Variants in FRMD4A observed in about 807,000 individuals in gnomAD.
FRMD4A encodes FERM domain containing 4A.
FRMD4A carries 29 observed loss-of-function variants against 129.1 expected under a neutral mutation model. The observed-to-expected ratio is 0.22, with a 90% CI of 0.17 to 0.31. The LOEUF (loss-of-function observed/expected upper bound fraction) is 0.31, where lower values mean the gene tolerates loss of function less well. Among genes scored for constraint, FRMD4A ranks in the 10% least tolerant of loss-of-function variants. The probability of loss-of-function intolerance (pLI) is 1.00; values close to 1 mark genes in which losing one functional copy is unlikely to be tolerated. For missense variants in FRMD4A, 1,272 were observed against 1,375.8 expected, an observed-to-expected ratio of 0.92 and a Z score of 1.19; for synonymous variants, 634 against 571.6, an observed-to-expected ratio of 1.11 and a Z score of -1.56.
intron 2 of FRMD4A, among the ~76,000 whole-genome samples, chr10:13,983,402 C>G (rs573048306): frequency 6.6e-6 from 1 of 151,822 alleles, no homozygotes; most frequent in Admixed American, 6.6e-5. Context: ...AGAAAAAAAA[C>G]GTAATTACAT....
intron 2 of FRMD4A, among the ~76,000 whole-genome samples, chr10:13,943,692 AAAG>A (rs2095311222): frequency 6.7e-6 from 1 of 149,904 alleles, no homozygotes; most frequent in Non-Finnish European, 1.5e-5. Flanking sequence ...AAAAGAAAAG[AAAG>A]AAAGAAAGAA....
intron 9 of FRMD4A, among the ~76,000 whole-genome samples, chr10:13,747,515 T>C (rs905335783): frequency 5.6e-4 from 72 of 129,384 alleles, no homozygotes; most frequent in African/African-American, 2.1e-3. Context: ...GGTGACAAAG[T>C]GAGATCCGTC....
chr10:13,756,614 C>T (rs1003929601), intron 8 of FRMD4A, among the ~76,000 whole-genome samples: 10 of 152,202 alleles, frequency 6.6e-5, no homozygotes, highest in African/African-American at 1.4e-4. Flanking sequence ...ATCCATCCGC[C>T]TCGGCCTCCC....
intron 15 of FRMD4A, among the ~76,000 whole-genome samples, chr10:13,686,860 C>A (rs967150094): frequency 6.6e-6 from 1 of 152,180 alleles, no homozygotes; most frequent in African/African-American, 2.4e-5. Context: ...CCCATTTATT[C>A]GTTTCAGTGG....
At chr10:13,746,250 C>T (rs191331938) in intron 9 of FRMD4A, among the ~76,000 whole-genome samples, 3 of 152,060 alleles carry the variant, frequency 2.0e-5, no homozygotes, top group East Asian at 1.9e-4. Flanking sequence ...CTCGCTCTGT[C>T]GCCAGGCTGG....
At chr10:14,076,966 G>A (rs1213416162) in intron 2 of FRMD4A, among the ~76,000 whole-genome samples, 1 of 152,186 alleles carries the variant, frequency 6.6e-6, no homozygotes, top group Non-Finnish European at 1.5e-5. Context: ...CCAAGCTGGA[G>A]GGTTCTCAAG....
chr10:13,956,767 C>T (rs913608580), intron 2 of FRMD4A, among the ~76,000 whole-genome samples: 1 of 152,126 alleles, frequency 6.6e-6, no homozygotes, highest in Admixed American at 6.5e-5. Flanking sequence ...TCAAATGAAT[C>T]GACTTGAATT....
chr10:13,735,590 G>A (rs1050221379), intron 12 of FRMD4A, among the ~76,000 whole-genome samples: 2 of 152,066 alleles, frequency 1.3e-5, no homozygotes, highest in Non-Finnish European at 2.9e-5. Flanking sequence ...CTCAATTAGA[G>A]GAATAAAGAA....
chr10:14,073,080 C>A (rs550388718), intron 2 of FRMD4A, among the ~76,000 whole-genome samples: 2 of 152,176 alleles, frequency 1.3e-5, no homozygotes, highest in Non-Finnish European at 2.9e-5. Flanking sequence ...ACATACACTA[C>A]GAGAACCCCT....
At chr10:14,129,371 C>CATATATAT (rs3033977) in intron 2 of FRMD4A, among the ~76,000 whole-genome samples, 557 of 46,158 alleles carry the variant, frequency 0.012, 6 homozygotes, top group South Asian at 0.02. Context: ...AATTATGATT[C>CATATATAT]ATATATATAT....
chr10:14,285,614 C>A (rs1845656557), intron 2 of FRMD4A, among the ~76,000 whole-genome samples: 1 of 152,230 alleles, frequency 6.6e-6, no homozygotes, highest in Non-Finnish European at 1.5e-5. Flanking sequence ...ATTGAGTCAA[C>A]TCATCTGACC....
At chr10:14,181,777 G>A (rs1213741825) in intron 2 of FRMD4A, among the ~76,000 whole-genome samples, 3 of 152,082 alleles carry the variant, frequency 2.0e-5, no homozygotes, top group Non-Finnish European at 2.9e-5. Flanking sequence ...TGCAACCTCG[G>A]CTTCCTAAGC....
At chr10:13,831,026 G>C (rs1047902675) in intron 3 of FRMD4A, among the ~76,000 whole-genome samples, 12 of 152,174 alleles carry the variant, frequency 7.9e-5, no homozygotes, top group African/African-American at 2.7e-4. Flanking sequence ...CTGACCTCAA[G>C]TGATCCACCT....
At chr10:14,208,392 A>G (rs1320247107) in intron 2 of FRMD4A, among the ~76,000 whole-genome samples, 1 of 152,014 alleles carries the variant, frequency 6.6e-6, no homozygotes, top group Non-Finnish European at 1.5e-5. Context: ...AGAAAATGTC[A>G]TTAGCACACT....
chr10:14,275,850 G>C (rs1214542736), intron 2 of FRMD4A, among the ~76,000 whole-genome samples: 1 of 152,068 alleles, frequency 6.6e-6, no homozygotes, highest in East Asian at 1.9e-4. Flanking sequence ...ACTAACCTGG[G>C]CAATACAGCA....
chr10:13,898,047 G>A (rs78908360), intron 2 of FRMD4A, among the ~76,000 whole-genome samples: 2,475 of 151,488 alleles, frequency 0.016, 75 homozygotes, highest in African/African-American at 0.056. Context: ...CAGTCCTTTT[G>A]CCCCAAGCAC....
At chr10:13,782,116 T>C (rs1002923390) in intron 6 of FRMD4A, among the ~76,000 whole-genome samples, 1 of 149,952 alleles carries the variant, frequency 6.7e-6, no homozygotes. Context: ...ATGGTTAAGA[T>C]AGTAAATGTA....
chr10:14,125,752 T>TGCGCAC (rs1182400885), intron 2 of FRMD4A, among the ~76,000 whole-genome samples: 1 of 133,290 alleles, frequency 7.5e-6, no homozygotes. Flanking sequence ...TGCACACTCA[T>TGCGCAC]GCGCACGCGC....
chr10:14,022,001 AGT>A (rs1832781252), intron 2 of FRMD4A, among the ~76,000 whole-genome samples: 1 of 152,150 alleles, frequency 6.6e-6, no homozygotes, highest in South Asian at 2.1e-4. Flanking sequence ...TTACAATAAC[AGT>A]AAAAATATAC....
Sources: gnomAD v4.1 joint callset for allele counts (sites outside exome capture counted in the v4.1 genomes callset) on GRCh38, gnomAD v4.1.1 for gene constraint, MANE v1.5 for transcripts, NCBI Gene and HGNC (gene_info 2026-07-23, HGNC 2026-07-21) for gene names.